The following LOC128462377 variants were observed in gnomAD, a reference collection of about 807,000 sequenced individuals.
chr16:89,325,615 C>T, the LOC128462377 span, among the ~76,000 whole-genome samples: 1 of 152,208 alleles, frequency 6.6e-6, no homozygotes, highest in Non-Finnish European at 1.5e-5. Context: ...TGGAAAATGG[C>T]TGCCTGGCGG....
At chr16:89,344,599 A>ACT in the LOC128462377 span, among the ~76,000 whole-genome samples, 1 of 152,234 alleles carries the variant, frequency 6.6e-6, no homozygotes, top group Non-Finnish European at 1.5e-5. Context: ...CCCACAATGC[A>ACT]AGCGTCCGGG....
the LOC128462377 span, among the ~76,000 whole-genome samples, chr16:89,346,662 T>C: frequency 5.9e-5 from 9 of 152,026 alleles, no homozygotes; most frequent in African/African-American, 1.7e-4. Flanking sequence ...GAAACCAGAG[T>C]AGGAATTTCG....
chr16:89,377,882 C>A, the LOC128462377 span, among the ~76,000 whole-genome samples: 38 of 152,174 alleles, frequency 2.5e-4, no homozygotes, highest in Admixed American at 7.2e-4. Context: ...ATGAGAACAG[C>A]ATGACCACCC....
chr16:89,396,538 A>AT, the LOC128462377 span, among the ~76,000 whole-genome samples: 1,057 of 150,326 alleles, frequency 7.0e-3, 6 homozygotes, highest in African/African-American at 0.021. Flanking sequence ...TTCCCACTAG[A>AT]TTTTTTTTTT....
chr16:89,347,087 T>A, the LOC128462377 span, among the ~76,000 whole-genome samples: 2 of 151,360 alleles, frequency 1.3e-5, no homozygotes, highest in Non-Finnish European at 2.9e-5. Context: ...ACTGAGCACA[T>A]GGGCTGGGCT....
At chr16:89,324,253 G>A in the LOC128462377 span, 1 of 1,222,276 alleles carries the variant, frequency 8.2e-7, no homozygotes, top group African/African-American at 1.6e-5. Context: ...CTTGGTCACT[G>A]GGCTGTGGAA....
At chr16:89,383,013 C>T in the LOC128462377 span, among the ~76,000 whole-genome samples, 1 of 152,112 alleles carries the variant, frequency 6.6e-6, no homozygotes, top group Non-Finnish European at 1.5e-5. Flanking sequence ...GCTTGTAAAG[C>T]GTAACTTTTA....
the LOC128462377 span, among the ~76,000 whole-genome samples, chr16:89,351,656 G>A: frequency 2.0e-5 from 3 of 152,158 alleles, no homozygotes; most frequent in South Asian, 2.1e-4. Flanking sequence ...TGACCTGGGC[G>A]CAGGTTCGTG....
chr16:89,322,351 C>T, the LOC128462377 span, among the ~76,000 whole-genome samples: 3 of 152,220 alleles, frequency 2.0e-5, no homozygotes, highest in African/African-American at 7.2e-5. Flanking sequence ...CCTTTACGTA[C>T]GTCCTGGGCA....
chr16:89,382,585 C>T, the LOC128462377 span, among the ~76,000 whole-genome samples: 2 of 152,162 alleles, frequency 1.3e-5, no homozygotes, highest in African/African-American at 4.8e-5. Context: ...GATCCATCCA[C>T]TTCGGCCTCC....
At chr16:89,352,506 C>T in the LOC128462377 span, among the ~76,000 whole-genome samples, 2 of 152,144 alleles carry the variant, frequency 1.3e-5, no homozygotes, top group African/African-American at 4.8e-5. Flanking sequence ...CCCTTCAGAG[C>T]TTCTGGCAAG....
At chr16:89,347,253 A>G in the LOC128462377 span, among the ~76,000 whole-genome samples, 1 of 152,236 alleles carries the variant, frequency 6.6e-6, no homozygotes, top group Non-Finnish European at 1.5e-5. Context: ...AAGCTGACAC[A>G]TAAGCCTGAC....
the LOC128462377 span, among the ~76,000 whole-genome samples, chr16:89,385,779 A>G: frequency 4.6e-5 from 7 of 152,242 alleles, no homozygotes; most frequent in African/African-American, 7.2e-5. Context: ...TGGCAGTGAG[A>G]CCGTGCCAGA....
chr16:89,391,983 G>A, the LOC128462377 span, among the ~76,000 whole-genome samples: 2 of 152,200 alleles, frequency 1.3e-5, no homozygotes, highest in African/African-American at 4.8e-5. Flanking sequence ...TTAGTTGAAG[G>A]TGTTTTTACC....
chr16:89,341,632 C>T, the LOC128462377 span, among the ~76,000 whole-genome samples: 258 of 152,374 alleles, frequency 1.7e-3, no homozygotes, highest in African/African-American at 6.0e-3. Flanking sequence ...CCATAAATCC[C>T]ACCGTTAACA....
At chr16:89,356,902 G>A in the LOC128462377 span, among the ~76,000 whole-genome samples, 45 of 152,228 alleles carry the variant, frequency 3.0e-4, no homozygotes, top group Non-Finnish European at 5.6e-4. Context: ...CCCTGTGGCT[G>A]TAATCTCCCG....
chr16:89,357,314 A>G, the LOC128462377 span, among the ~76,000 whole-genome samples: 2 of 152,202 alleles, frequency 1.3e-5, no homozygotes, highest in Non-Finnish European at 2.9e-5. Flanking sequence ...TGTGCTCACC[A>G]CGTGTCCCGG....
chr16:89,380,718 G>T, the LOC128462377 span, among the ~76,000 whole-genome samples: 2 of 152,242 alleles, frequency 1.3e-5, no homozygotes, highest in African/African-American at 4.8e-5. Flanking sequence ...GCTTTCCAGG[G>T]AAGAGAAGTG....
chr16:89,397,863 A>G, the LOC128462377 span, among the ~76,000 whole-genome samples: 1 of 152,232 alleles, frequency 6.6e-6, no homozygotes, highest in South Asian at 2.1e-4. Flanking sequence ...ACCAGCACAC[A>G]AACCTTCGTC....
Sources: gnomAD v4.1 joint callset for allele counts (sites outside exome capture counted in the v4.1 genomes callset) on GRCh38, gnomAD v4.1.1 for gene constraint, MANE v1.5 for transcripts.